Variants in FBXL7 observed in about 807,000 individuals in gnomAD.
FBXL7 encodes F-box/LRR-repeat protein 7.
A neutral mutation model predicts 38.3 loss-of-function variants in FBXL7; 12 were observed. The observed-to-expected ratio is 0.31, with a 90% CI of 0.20 to 0.51. The LOEUF is 0.51. Ranked by LOEUF, FBXL7 falls within the 20% of genes least tolerant of loss-of-function variation. The probability of loss-of-function intolerance (pLI) is 0.98; values close to 1 mark genes in which losing one functional copy is unlikely to be tolerated. For synonymous variants in FBXL7, 297 were observed against 300.9 expected, an observed-to-expected ratio of 0.99 and a Z score of 0.13; for missense variants, 567 against 676.4, an observed-to-expected ratio of 0.84 and a Z score of 1.79.
Position 15,936,610 on chromosome 5 carries a change from C to T in FBXL7, c.900C>T (p.Leu300=), listed in dbSNP as rs1221060143. 1 of 1,610,708 alleles carries T rather than the reference C, an allele frequency of 6.2e-7. No individual in the cohort carries two copies. Among genetic ancestry groups the T allele is most frequent in the Non-Finnish European group, 8.5e-7 (1 of 1,179,864 alleles). ...CCATCGCGGCGCACTGCACGCAGCTCACCCACCTCTACCTGCGCCGCTGCG... is the reference window on the plus strand; with the variant it reads ...CCATCGCGGCGCACTGCACGCAGCTTACCCACCTCTACCTGCGCCGCTGCG... ...LHTIAAHCTQ[L]THLYLRRCVR... The change falls in exon 4 of 4, where the codon CTC becomes CTT. Residue 300 remains leucine (L), a synonymous_variant. Coordinates refer to ENST00000504595, the MANE Select transcript of FBXL7 (RefSeq NM_012304.5). This position sits in a 1 kb window ranked among gnomAD's most constrained non-coding sequence, Gnocchi z 6.0.
chr5:15,823,224 T>G (rs1738219410), intron 2 of FBXL7, among the ~76,000 whole-genome samples: 1 of 152,224 alleles, frequency 6.6e-6, no homozygotes, highest in Non-Finnish European at 1.5e-5. Flanking sequence ...TAGACACATG[T>G]ACATTATAAC....
chr5:15,894,225 C>T (rs1370258561), intron 2 of FBXL7, among the ~76,000 whole-genome samples: 2 of 152,082 alleles, frequency 1.3e-5, no homozygotes, highest in African/African-American at 4.8e-5. Flanking sequence ...CGCACCATTG[C>T]GCTCCAGCCT....
At chr5:15,844,224 T>C (rs1263563971) in intron 2 of FBXL7, among the ~76,000 whole-genome samples, 1 of 152,206 alleles carries the variant, frequency 6.6e-6, no homozygotes, top group Non-Finnish European at 1.5e-5. Context: ...TTCATTTTGC[T>C]TCAATCTTTT....
chr5:15,828,701 G>A lies in FBXL7; in HGVS notation c.128-99189G>A, dbSNP rs1034427669. ...GTTCTGGGGATCCAGCCGACCTTCA[G>A]TGCCAAGGAAGGACTTTTAGGTTTA... On this transcript the variant is annotated intron_variant, in intron 2 of 3. Coordinates refer to ENST00000504595, the MANE Select transcript of FBXL7 (RefSeq NM_012304.5). Among the ~76,000 whole-genome samples the A allele has an allele frequency of 1.4e-4, 21 of 152,202 alleles. 1 individual carries two copies. Among genetic ancestry groups the A allele is most frequent in the Admixed American group, 1.3e-3 (20 of 15,274 alleles).
intron 1 of FBXL7, among the ~76,000 whole-genome samples, chr5:15,523,386 G>A (rs957111215): frequency 1.3e-4 from 20 of 151,986 alleles, no homozygotes; most frequent in African/African-American, 3.1e-4. Flanking sequence ...GTGAAACCCC[G>A]TCTCTACTAA....
intron 1 of FBXL7, among the ~76,000 whole-genome samples, chr5:15,555,974 C>CATCT (rs144598945): frequency 0.3 from 41,658 of 140,604 alleles, 6,070 homozygotes; most frequent in Admixed American, 0.32. Context: ...ATCTGTCTAT[C>CATCT]ATCTATCTAT....
At chr5:15,553,148 C>G (rs147720876) in intron 1 of FBXL7, among the ~76,000 whole-genome samples, 79 of 152,106 alleles carry the variant, frequency 5.2e-4, no homozygotes, top group African/African-American at 1.9e-3. Flanking sequence ...TCAAGCCTGA[C>G]CCACATAGCC....
intron 2 of FBXL7, among the ~76,000 whole-genome samples, chr5:15,801,634 AGTGTGTGT>A (rs71605509): frequency 9.5e-5 from 14 of 147,696 alleles, no homozygotes; most frequent in African/African-American, 7.6e-5. Flanking sequence ...AGGGGGAGTC[AGTGTGTGT>A]GTGTGTGTGT....
intron 2 of FBXL7, among the ~76,000 whole-genome samples, chr5:15,901,539 T>G (rs10454939): frequency 2.6e-4 from 39 of 152,212 alleles, no homozygotes; most frequent in Non-Finnish European, 5.0e-4. Context: ...GTTCCTTCCC[T>G]TGTTATCATG....
intron 2 of FBXL7, among the ~76,000 whole-genome samples, chr5:15,668,198 C>T (rs981884682): frequency 2.6e-5 from 4 of 152,270 alleles, no homozygotes; most frequent in South Asian, 2.1e-4. Context: ...ACTCTCAGCT[C>T]CACTGACAGC....
intron 2 of FBXL7, among the ~76,000 whole-genome samples, chr5:15,818,558 AAT>A (rs1738081503): frequency 1.3e-5 from 2 of 152,186 alleles, no homozygotes; most frequent in African/African-American, 4.8e-5. Flanking sequence ...AGTATTTTAA[AAT>A]ATGTTTCTTA....
intron 2 of FBXL7, among the ~76,000 whole-genome samples, chr5:15,659,543 T>C (rs1221754287): frequency 4.6e-5 from 7 of 151,854 alleles, no homozygotes; most frequent in Non-Finnish European, 1.0e-4. Flanking sequence ...ATCTAAAAAA[T>C]AAAAACAAAA....
rs545109871 is a variant in FBXL7 at position 15,640,560 on chromosome 5, G to A, written c.127+24488G>A. Among the ~76,000 whole-genome samples the A allele has an allele frequency of 3.4e-5, 5 of 148,792 alleles. No individual in the cohort carries two copies. In the East Asian group the frequency reaches 9.9e-4, roughly 29 times the overall value. ...TTTTTTTTTGAGGGAGTCTTGCTCT[G>A]TTGCCCAGGCTGGAGTGCAGTGGTG... On this transcript the variant is annotated intron_variant, in intron 2 of 3. Transcript: ENST00000504595.
intron 2 of FBXL7, among the ~76,000 whole-genome samples, chr5:15,658,442 C>A (rs576173761): frequency 6.6e-6 from 1 of 152,092 alleles, no homozygotes; most frequent in Non-Finnish European, 1.5e-5. Context: ...TTTCCCCCAT[C>A]GTGTTCTCAT....
intron 2 of FBXL7, among the ~76,000 whole-genome samples, chr5:15,668,368 T>TTGTGTGTG (rs148728974): frequency 4.5e-4 from 66 of 145,762 alleles, no homozygotes; most frequent in Non-Finnish European, 6.4e-4. Flanking sequence ...ATATTTGTGT[T>TTGTGTGTG]TGTGTGTGTG....
Position 15,718,741 on chromosome 5 carries a change from C to T in FBXL7, c.127+102669C>T, listed in dbSNP as rs188838069. 1.9e-3 allele frequency among the ~76,000 whole-genome samples: 288 copies of T among 152,268 alleles called. 2 individuals carry two copies. The highest frequency in any genetic ancestry group is 6.8e-3 in the African/African-American group (281 of 41,546). ...TGCAGTGTTGAAAAAACATAAATGA[C>T]CTTTTTTCTTTTCTTTAAACATTAA... is the stretch of plus-strand genomic sequence containing the variant. On this transcript the variant is annotated intron_variant, in intron 2 of 3. Coordinates refer to ENST00000504595, the MANE Select transcript of FBXL7 (RefSeq NM_012304.5).
At chr5:15,527,864 A>G (rs958233420) in intron 1 of FBXL7, among the ~76,000 whole-genome samples, 1 of 152,038 alleles carries the variant, frequency 6.6e-6, no homozygotes, top group African/African-American at 2.4e-5. Flanking sequence ...GGACTCTCAT[A>G]TTTCTCCTGT....
intron 1 of FBXL7, among the ~76,000 whole-genome samples, chr5:15,507,737 T>C (rs144046942): frequency 4.6e-5 from 7 of 152,218 alleles, no homozygotes; most frequent in African/African-American, 7.2e-5. Flanking sequence ...CAGGCTTATG[T>C]CCCAATAAAA....
At chr5:15,892,860 G>A (rs565835807) in intron 2 of FBXL7, among the ~76,000 whole-genome samples, 1 of 152,276 alleles carries the variant, frequency 6.6e-6, no homozygotes, top group Admixed American at 6.5e-5. Context: ...GCTCACGCCT[G>A]TAATCCCAGC....
Sources: gnomAD v4.1 joint callset for allele counts (sites outside exome capture counted in the v4.1 genomes callset) on GRCh38, gnomAD v4.1.1 for gene constraint, Gnocchi (gnomAD v3.1) non-coding constraint, MANE v1.5 for transcripts, NCBI Gene and HGNC (gene_info 2026-07-23, HGNC 2026-07-21) for gene names.